Variants in TTC19 observed in about 807,000 individuals in gnomAD.
The protein encoded by TTC19 is tetratricopeptide repeat protein 19, mitochondrial.
Under a neutral mutation model 49.5 loss-of-function variants are expected in TTC19, and 38 were observed. The ratio of observed to expected loss-of-function variants is 0.77; its 90% CI spans 0.59 to 1.01. The LOEUF (loss-of-function observed/expected upper bound fraction) is 1.01, where lower values mean the gene tolerates loss of function less well. TTC19 is among the 50% of genes least tolerant of loss of function. TTC19 has a pLI of 0.00. For synonymous variants in TTC19, 204 were observed against 185.2 expected (o/e 1.10, Z -0.83); for missense variants, 475 against 477.7 (o/e 0.99, Z 0.05).
At chr17:16,031,990 A>G, downstream of TTC19, 3 of 355,740 alleles carry the variant, frequency 8.4e-6, no homozygotes, top group Non-Finnish European at 1.5e-5. Context: ...ATTTAAAGAC[A>G]TTATGGTTTT....
At chr17:16,022,321 T>A (rs2151676542) in intron 7 of TTC19, among the ~76,000 whole-genome samples, 1 of 152,306 alleles carries the variant, frequency 6.6e-6, no homozygotes, top group Non-Finnish European at 1.5e-5. Flanking sequence ...TTATAGTTTA[T>A]CTAAGGTTTC....
rs574609977 is a variant in TTC19, at chr17:16,027,633, G to T, written c.*111G>T. ...TAAATCTGTCGTTTTTGATATTCAG[G>T]TTTCCTCAATTTAGCCTTAGTGAAG... On this transcript the variant is annotated 3_prime_UTR_variant, in exon 10 of 10. Coordinates refer to ENST00000261647, the MANE Select transcript of TTC19 (RefSeq NM_017775.4). 1 of 1,344,924 alleles carries T rather than the reference G, an allele frequency of 7.4e-7. No homozygotes were observed. The highest frequency in any genetic ancestry group is 1.0e-6 in the Non-Finnish European group (1 of 956,010). 83.3% of individuals were successfully genotyped at this position (1,344,924 alleles called of 1,614,324 possible). A position where few individuals can be genotyped will look rare whatever the true frequency, so the allele number is the denominator to read the frequency against.
intron 7 of TTC19, among the ~76,000 whole-genome samples, chr17:16,020,487 A>G (rs1047987913): frequency 1.3e-5 from 2 of 152,134 alleles, no homozygotes; most frequent in African/African-American, 4.8e-5. Context: ...AAAAATTTGT[A>G]TATTAACAGA....
At chr17:16,000,810 C>T (rs58039724) in intron 2 of TTC19, among the ~76,000 whole-genome samples, 1 of 152,132 alleles carries the variant, frequency 6.6e-6, no homozygotes, top group Non-Finnish European at 1.5e-5. Context: ...CCATACCTAC[C>T]TCTCAGATTT....
chr17:16,039,931 C>T (rs1005829170), intron 2 of TTC19: 10 of 417,024 alleles, frequency 2.4e-5, no homozygotes, highest in Non-Finnish European at 4.0e-5. Flanking sequence ...GCTGGGACTA[C>T]AGGCACCCAC....
chr17:16,034,688 G>A (rs2151846824), intron 2 of TTC19: 1 of 1,306,688 alleles, frequency 7.7e-7, no homozygotes. Flanking sequence ...AAGAGTTGCT[G>A]AATTTTGAAG....
chr17:16,044,870 T>G, exon 3 of TTC19: 4 of 782,034 alleles, frequency 5.1e-6, no homozygotes, highest in Non-Finnish European at 2.2e-6. Context: ...CCCACTCCAC[T>G]GCTGCTGCTC....
chr17:16,040,893 A>AT (rs1485032592), intron 2 of TTC19: 35 of 188,798 alleles, frequency 1.9e-4, no homozygotes, highest in Non-Finnish European at 3.1e-4. Context: ...AAATAAATAA[A>AT]AAAAGAAGCA....
Position 15,999,856 on chromosome 17 carries a change from G to T in TTC19, c.8G>T (p.Arg3Leu). 1 of 1,514,648 alleles carries T rather than the reference G, an allele frequency of 6.6e-7. No individual in the cohort carries two copies. Among genetic ancestry groups the T allele is most frequent in the South Asian group, 1.2e-5 (1 of 81,624 alleles). 93.8% of individuals were successfully genotyped at this position (1,514,648 alleles called of 1,614,324 possible). A position where few individuals can be genotyped will look rare whatever the true frequency, so the allele number is the denominator to read the frequency against. Reference sequence around the variant, plus strand: ...AGAGGACGCGGCGGGAGCATGTTCCGGCTCCTGAGCTGGAGCCTGGGCCGA... The same window carrying T: ...AGAGGACGCGGCGGGAGCATGTTCCTGCTCCTGAGCTGGAGCCTGGGCCGA... Reference protein sequence around the residue: MFRLLSWSLGRGF... With the variant: MFLLLSWSLGRGF... Residue 3 changes from arginine to leucine, a missense_variant, in exon 1 of 10, where the codon CGG becomes CTG. Transcript: ENST00000261647.
chr17:16,041,465 G>C lies in TTC19; in HGVS notation c.248-3038G>C, dbSNP rs552255623. Among the ~76,000 whole-genome samples, 26 of 142,974 alleles carry C rather than the reference G, an allele frequency of 1.8e-4. No homozygotes were observed. The South Asian group carries it at 5.2e-3, about 28-fold the overall frequency. 93.8% of individuals were successfully genotyped at this position (142,974 alleles called of 152,430 possible). On this transcript the variant is annotated intron_variant, in intron 2 of 2. Coordinates refer to the TTC19 transcript ENST00000470649. Reference sequence around the variant, plus strand: ...TTTTATTCTTGTCACCCAGGCTGGAGTGCAATGGCGTGATCTAGGCTCACT... The same window carrying C: ...TTTTATTCTTGTCACCCAGGCTGGACTGCAATGGCGTGATCTAGGCTCACT...
At position 16,027,420 on chromosome 17, in the gene TTC19, A is replaced by G. The variant is rs77955179; in HGVS notation, c.1041A>G (p.Gln347=). The G allele has an allele frequency of 3.4e-3, 5,450 of 1,614,172 alleles. 14 individuals carry two copies. Among genetic ancestry groups the G allele is most frequent in the Middle Eastern group, 5.3e-3 (32 of 6,060 alleles). ...AGATCTACCAGGAAGCACTGAAGCA[A>G]GCAAAGCTGAAAAAAGATGAAATTT... ...AKEIYQEALK[Q]AKLKKDEISV... The change falls in exon 10 of 10, where the codon CAA becomes CAG. Residue 347 remains glutamine, a synonymous_variant. Coordinates refer to ENST00000261647, the MANE Select transcript of TTC19 (RefSeq NM_017775.4).
intron 7 of TTC19, among the ~76,000 whole-genome samples, chr17:16,009,957 G>T (rs1250090743): frequency 6.6e-6 from 1 of 151,974 alleles, no homozygotes; most frequent in Non-Finnish European, 1.5e-5. Context: ...ATTCTCTTTG[G>T]TTGGTAGGTT....
At chr17:16,003,356 TCCTCTCACCTCAG>T (rs1158875094) in intron 4 of TTC19, among the ~76,000 whole-genome samples, 1 of 152,166 alleles carries the variant, frequency 6.6e-6, no homozygotes, top group Non-Finnish European at 1.5e-5. Context: ...GCTCAGTTGA[TCCTCTCACCTCAG>T]CCTCCTGAGT....
downstream of TTC19, among the ~76,000 whole-genome samples, chr17:16,033,455 C>G (rs1972909964): frequency 1.3e-5 from 2 of 151,926 alleles, no homozygotes; most frequent in Admixed American, 1.3e-4. Flanking sequence ...AACCACTGGT[C>G]TGGGCTGTAA....
rs775220743 is a variant in TTC19, at chr17:16,039,507, G to A, written c.248-4996G>A. On this transcript the variant is annotated intron_variant, in intron 2 of 2. Transcript: ENST00000470649. ...CACAACTGAGGTGTTGGCAGTACCA[G>A]GCACTACTCCCATAGGCTGGGACAT... is the stretch of plus-strand genomic sequence containing the variant. 2.5e-6 allele frequency: 4 copies of A among 1,614,098 alleles called. No homozygotes were observed. In the Admixed American group the frequency reaches 6.7e-5, roughly 27 times the overall value.
intron 4 of TTC19, 30 bp downstream of exon 4, chr17:16,002,861 T>C (rs780797128): frequency 1.2e-6 from 2 of 1,606,488 alleles, no homozygotes; most frequent in Admixed American, 3.3e-5. Context: ...ATATCTTGAA[T>C]TTATGAAGGA....
chr17:16,025,166 C>T lies in TTC19; in HGVS notation c.826C>T (p.Pro276Ser). The T allele has an allele frequency of 4.3e-6, 7 of 1,613,534 alleles. No individual in the cohort carries two copies. Among genetic ancestry groups the T allele is most frequent in the Non-Finnish European group, 5.9e-6 (7 of 1,179,736 alleles). Reference sequence around the variant, plus strand: ...TGAAGAAATACAAGGAGAAAGACACCCACAGGTAAGGGAGGAAAACACAGA... The same window carrying T: ...TGAAGAAATACAAGGAGAAAGACACTCACAGGTAAGGGAGGAAAACACAGA... ...ISEEIQGERH[P>S]QTIVLMSDLA... Residue 276 changes from proline (P) to serine (S), a missense_variant, in exon 8 of 10, where the codon CCA (proline) becomes TCA (serine). Transcript: ENST00000261647.
At chr17:16,022,107 A>G (rs1373195875) in intron 7 of TTC19, among the ~76,000 whole-genome samples, 4 of 142,174 alleles carry the variant, frequency 2.8e-5, no homozygotes, top group Non-Finnish European at 5.9e-5. Flanking sequence ...CCTAATGGTA[A>G]TCATCCTGGT....
At chr17:16,023,690 A>G (rs1405723190) in intron 7 of TTC19, 1 of 152,218 alleles carries the variant, frequency 6.6e-6, no homozygotes, top group Non-Finnish European at 1.5e-5. Context: ...AATAACTCCA[A>G]GAACACTTTT....
Sources: allele counts gnomAD v4.1 joint callset (sites outside exome capture counted in the v4.1 genomes callset), GRCh38; gene constraint gnomAD v4.1.1; transcripts MANE v1.5; gene names NCBI Gene and HGNC (gene_info 2026-07-23, HGNC 2026-07-21).